Variants in NRXN1 observed in about 807,000 individuals in gnomAD.
NRXN1 encodes neurexin-1.
NRXN1 carries 39 observed loss-of-function variants against 150.9 expected under a neutral mutation model. The ratio of observed to expected loss-of-function variants is 0.26; its 90% confidence interval spans 0.20 to 0.34. The LOEUF is 0.34. Ranked by LOEUF, NRXN1 falls within the 10% of genes least tolerant of loss-of-function variation. NRXN1 has a pLI of 1.00. For synonymous variants in NRXN1, 924 were observed against 757.0 expected (o/e 1.22, Z -3.62); for missense variants, 1,815 against 1,949.9 (o/e 0.93, Z 1.30).
chr2:50,137,368 G>T (rs1010368490), intron 18 of NRXN1, among the ~76,000 whole-genome samples: 9 of 152,050 alleles, frequency 5.9e-5, no homozygotes, highest in African/African-American at 2.2e-4. Context: ...ACTACCGTTT[G>T]GAGATCACGG....
chr2:50,596,774 A>C (rs567777947), intron 8 of NRXN1, among the ~76,000 whole-genome samples: 1 of 151,702 alleles, frequency 6.6e-6, no homozygotes, highest in Non-Finnish European at 1.5e-5. Flanking sequence ...ATGGACATTC[A>C]GTAGGGATTT....
intron 5 of NRXN1, among the ~76,000 whole-genome samples, chr2:50,843,401 C>G (rs1381085825): frequency 6.6e-6 from 1 of 152,152 alleles, no homozygotes; most frequent in Non-Finnish European, 1.5e-5. Context: ...AAAAAAACAA[C>G]TGGATCAAAG....
At chr2:50,301,858 A>T (rs538422768) in intron 17 of NRXN1, among the ~76,000 whole-genome samples, 2 of 152,186 alleles carry the variant, frequency 1.3e-5, no homozygotes, top group Non-Finnish European at 2.9e-5. Flanking sequence ...TGACAGTGGA[A>T]GAGGTATACA....
chr2:50,699,858 T>C (rs1214067911), intron 5 of NRXN1, among the ~76,000 whole-genome samples: 1 of 152,050 alleles, frequency 6.6e-6, no homozygotes, highest in African/African-American at 2.4e-5. Context: ...ACAGCAACCA[T>C]AGGAAAGTAA....
At chr2:50,671,068 C>A (rs1284045509) in intron 5 of NRXN1, among the ~76,000 whole-genome samples, 1 of 151,836 alleles carries the variant, frequency 6.6e-6, no homozygotes, top group Non-Finnish European at 1.5e-5. Flanking sequence ...TGGAGCTTAT[C>A]TGCTTTAATG....
chr2:50,095,018 T>C (rs1369183983), intron 18 of NRXN1, among the ~76,000 whole-genome samples: 1 of 152,306 alleles, frequency 6.6e-6, no homozygotes, highest in Admixed American at 6.5e-5. Flanking sequence ...CTGCCCTTTA[T>C]GTCTTCTTTC....
intron 17 of NRXN1, among the ~76,000 whole-genome samples, chr2:50,378,805 A>G (rs2080718318): frequency 6.6e-6 from 1 of 152,158 alleles, no homozygotes; most frequent in Non-Finnish European, 1.5e-5. Context: ...TCAAACAGGT[A>G]ACTTTAAGAG....
intron 8 of NRXN1, among the ~76,000 whole-genome samples, chr2:50,599,869 G>T (rs1449541293): frequency 6.6e-6 from 1 of 152,186 alleles, no homozygotes; most frequent in Non-Finnish European, 1.5e-5. Context: ...TGTTTTGTCA[G>T]TTGATGGGGT....
At chr2:50,277,826 T>C (rs1369300559) in intron 17 of NRXN1, among the ~76,000 whole-genome samples, 3 of 151,968 alleles carry the variant, frequency 2.0e-5, no homozygotes, top group African/African-American at 7.3e-5. Context: ...TTTTTCTGCT[T>C]TTGATGCACC....
At chr2:50,861,651 T>C (rs935902324) in intron 5 of NRXN1, among the ~76,000 whole-genome samples, 2 of 152,056 alleles carry the variant, frequency 1.3e-5, no homozygotes, top group African/African-American at 2.4e-5. Flanking sequence ...TATAATTTAT[T>C]TGTGAATGAA....
intron 5 of NRXN1, among the ~76,000 whole-genome samples, chr2:50,837,691 G>A (rs1672305049): frequency 6.6e-6 from 1 of 151,972 alleles, no homozygotes; most frequent in Non-Finnish European, 1.5e-5. Context: ...TATATGAGAT[G>A]CATACAAAAT....
intron 5 of NRXN1, among the ~76,000 whole-genome samples, chr2:50,649,259 TACACACACACACACACAC>T (rs10634117): frequency 2.1e-5 from 3 of 143,242 alleles, no homozygotes; most frequent in Non-Finnish European, 3.1e-5. Context: ...CATACACACA[TACACACACACACACACAC>T]ACACACACAC....
At chr2:50,452,415 C>A (rs2087059782) in intron 17 of NRXN1, among the ~76,000 whole-genome samples, 1 of 152,126 alleles carries the variant, frequency 6.6e-6, no homozygotes, top group Non-Finnish European at 1.5e-5. Flanking sequence ...ACCTTAAAGA[C>A]AAGGCAAACC....
At chr2:50,772,934 C>T (rs768867076) in intron 5 of NRXN1, among the ~76,000 whole-genome samples, 5 of 152,040 alleles carry the variant, frequency 3.3e-5, no homozygotes, top group Admixed American at 3.3e-4. Context: ...AAAGGAGGAG[C>T]CTCGTCCATC....
intron 5 of NRXN1, among the ~76,000 whole-genome samples, chr2:50,631,928 A>G (rs1276043041): frequency 6.6e-6 from 1 of 151,958 alleles, no homozygotes; most frequent in African/African-American, 2.4e-5. Flanking sequence ...CATTAACACA[A>G]TCAAAATTAA....
intron 18 of NRXN1, among the ~76,000 whole-genome samples, chr2:50,230,257 C>A (rs903633712): frequency 6.6e-6 from 1 of 151,674 alleles, no homozygotes; most frequent in African/African-American, 2.4e-5. Flanking sequence ...ATCTTTTGAA[C>A]AGGAATTAGA....
At chr2:50,310,043 C>T (rs1475001268) in intron 17 of NRXN1, among the ~76,000 whole-genome samples, 5 of 152,120 alleles carry the variant, frequency 3.3e-5, no homozygotes, top group African/African-American at 1.2e-4. Context: ...CACTAATAGA[C>T]AGCAAATTCT....
In NRXN1 at chr2:50,981,457, C is replaced by CAAAA. The variant is rs70958635; in HGVS notation, c.772+46041_772+46044dup. 9.5e-3 allele frequency among the ~76,000 whole-genome samples: 221 copies of CAAAA among 23,254 alleles called. 32 individuals are homozygous for CAAAA. The highest frequency in any genetic ancestry group is 0.03 in the African/African-American group (169 of 5,630). The allele number at this position is 23,254 out of a possible 152,430, so 15.3% of individuals were successfully genotyped here. A position where few individuals can be genotyped will look rare whatever the true frequency, so the allele number is the denominator to read the frequency against. On this transcript the variant is annotated intron_variant, in intron 2 of 22. Coordinates refer to ENST00000401669, the MANE Select transcript of NRXN1 (RefSeq NM_001330078.2). ...TGGGTGACAGATAGAAACTCTATCT[C>CAAAA]AAAAAAAAAAAAAAAAAAAAAAAAA...
At position 50,447,479 on chromosome 2, in the gene NRXN1, C is replaced by CA. The variant is rs35878890; in HGVS notation, c.3364+17962dup. 8.5e-3 allele frequency among the ~76,000 whole-genome samples: 329 copies of CA among 38,514 alleles called. 25 individuals are homozygous for CA. The highest frequency in any genetic ancestry group is 0.011 in the Non-Finnish European group (241 of 21,892). 25.3% of individuals were successfully genotyped at this position (38,514 alleles called of 152,430 possible). ...TGGGTGACAGAGTGAGACTCTGTCT[C>CA]AAAAAAAAAAAAAAAAAAAAAAAAA... On this transcript the variant is annotated intron_variant, in intron 17 of 22. Coordinates refer to ENST00000401669, the MANE Select transcript of NRXN1 (RefSeq NM_001330078.2).
Sources: gnomAD v4.1 joint callset for allele counts (sites outside exome capture counted in the v4.1 genomes callset) on GRCh38, gnomAD v4.1.1 for gene constraint, MANE v1.5 for transcripts, NCBI Gene and HGNC (gene_info 2026-07-23, HGNC 2026-07-21) for gene names.